F13A1: variants seen among roughly 807,000 people sequenced by gnomAD.
F13A1 encodes FSF, A subunit.
Under a neutral mutation model 80.1 loss-of-function variants are expected in F13A1, and 47 were observed. The observed-to-expected ratio is 0.59, with a 90% CI of 0.46 to 0.75. The LOEUF is 0.75. Among genes scored for constraint, F13A1 ranks in the 30% least tolerant of loss-of-function variants. The probability of loss-of-function intolerance (pLI) is 0.00; values close to 1 mark genes in which losing one functional copy is unlikely to be tolerated. For synonymous variants in F13A1, 349 were observed against 344.9 expected, an observed-to-expected ratio of 1.01 and a Z score of -0.13; for missense variants, 817 against 930.4, an observed-to-expected ratio of 0.88 and a Z score of 1.59.
intron 3 of F13A1, among the ~76,000 whole-genome samples, chr6:6,271,772 A>G (rs1757924821): frequency 6.6e-6 from 1 of 152,202 alleles, no homozygotes; most frequent in African/African-American, 2.4e-5. Flanking sequence ...CCATTTGTGA[A>G]TTATTATTGA....
intron 6 of F13A1, among the ~76,000 whole-genome samples, chr6:6,245,873 G>A (rs1033326251): frequency 3.3e-5 from 5 of 152,122 alleles, no homozygotes; most frequent in East Asian, 1.9e-4. Context: ...CACCTATACC[G>A]CTGCTCTGGC....
In F13A1 at chr6:6,162,493, G is replaced by A. The variant is rs569982181; in HGVS notation, c.1908+4965C>T. ...TCCTCCCTTGAATACAAAACTCTCT[G>A]CAAAGTCAATGACCACCTCTGCTTT... is the stretch of plus-strand genomic sequence containing the variant. On this transcript the variant is annotated intron_variant, in intron 13 of 14. Transcript: ENST00000264870. The surrounding 1 kb of genome is among the most constrained non-coding windows in gnomAD (Gnocchi z 4.2). 2.0e-5 allele frequency among the ~76,000 whole-genome samples: 3 copies of A among 152,138 alleles called. No homozygotes were observed. In the East Asian group the frequency reaches 5.8e-4, roughly 29 times the overall value.
chr6:6,180,322 G>A (rs1048561992), intron 11 of F13A1, among the ~76,000 whole-genome samples: 17 of 152,148 alleles, frequency 1.1e-4, no homozygotes, highest in African/African-American at 1.9e-4. Context: ...GGCAGCACCC[G>A]TCCACCCTGT....
chr6:6,181,510 T>A (rs1178506196), intron 11 of F13A1, among the ~76,000 whole-genome samples: 1 of 152,232 alleles, frequency 6.6e-6, no homozygotes, highest in African/African-American at 2.4e-5. Flanking sequence ...TTAGAGAGAT[T>A]GCATTGTCCT....
intron 8 of F13A1, among the ~76,000 whole-genome samples, chr6:6,219,292 A>AC (rs1757153937): frequency 7.4e-6 from 1 of 134,530 alleles, no homozygotes; most frequent in South Asian, 2.4e-4. Flanking sequence ...AATCATTCCC[A>AC]CCCCCACCTC....
intron 2 of F13A1, among the ~76,000 whole-genome samples, chr6:6,305,928 A>G (rs1181817751): frequency 2.0e-5 from 3 of 152,228 alleles, no homozygotes; most frequent in African/African-American, 7.2e-5. Flanking sequence ...CTCTGTGACT[A>G]ACCAGGCAGA....
At chr6:6,296,705 G>T (rs1042320697) in intron 3 of F13A1, among the ~76,000 whole-genome samples, 1,868 of 146,706 alleles carry the variant, frequency 0.013, 177 homozygotes, top group African/African-American at 0.046. Context: ...GGGACAATTT[G>T]ACTTCCTCTT....
At chr6:6,159,664 G>A (rs749200897) in intron 13 of F13A1, among the ~76,000 whole-genome samples, 1 of 152,138 alleles carries the variant, frequency 6.6e-6, no homozygotes, top group African/African-American at 2.4e-5. Flanking sequence ...GAGGGAAGCC[G>A]CCCAGAGGAA....
rs183055446 is a variant in F13A1 at position 6,207,125 on chromosome 6, G to C, written c.1113-9799C>G. ...ACAAACATAAATCTCAGTAAGAAGA[G>C]TGACTTTGTGGAGTTTTAATTTGCC... On this transcript the variant is annotated intron_variant, in intron 8 of 14. Transcript: ENST00000264870. Among the ~76,000 whole-genome samples the C allele has an allele frequency of 5.9e-5, 9 of 152,256 alleles. No individual in the cohort carries two copies. The East Asian group carries it at 1.4e-3, about 23-fold the overall frequency.
chr6:6,259,151 T>A (rs1225978509), intron 4 of F13A1, among the ~76,000 whole-genome samples: 1 of 152,198 alleles, frequency 6.6e-6, no homozygotes, highest in Non-Finnish European at 1.5e-5. Context: ...GTCATGGGCA[T>A]GGGATGCGAC....
At chr6:6,308,356 C>T (rs1758542131) in intron 2 of F13A1, among the ~76,000 whole-genome samples, 1 of 151,638 alleles carries the variant, frequency 6.6e-6, no homozygotes, top group Non-Finnish European at 1.5e-5. Flanking sequence ...ATTTCTAGAA[C>T]TTTTATCCAA....
intron 8 of F13A1, among the ~76,000 whole-genome samples, chr6:6,210,324 G>GAGATATATATATATATATAT (rs1761580677): frequency 1.2e-5 from 1 of 82,904 alleles, no homozygotes; most frequent in African/African-American, 5.0e-5. Context: ...TGTAGCATGT[G>GAGATATATATATATATATAT]ATATATATAT....
intron 8 of F13A1, among the ~76,000 whole-genome samples, chr6:6,218,470 G>A (rs3799552): frequency 0.16 from 24,062 of 152,132 alleles, 2,073 homozygotes; most frequent in South Asian, 0.29. Context: ...TCATCAGCAC[G>A]CTGGGGACAG....
chr6:6,151,898 T>A lies in F13A1; in HGVS notation c.1960A>T (p.Thr654Ser). ...CGCAGGGTTTCTTTTAAAGGATTGG[T>A]AAACTCAACTGTCACAGTCATGTCA... ...GSDMTVTVEF[T>S]NPLKETLRNV... The change falls in exon 14 of 15, where the codon ACC becomes TCC. Residue 654 changes from threonine (T) to serine (S), a missense_variant. By Grantham distance (58) the Thr-to-Ser change is moderately conservative. Transcript: ENST00000264870. 1.2e-6 allele frequency: 2 copies of A among 1,614,052 alleles called. No homozygotes were observed. The highest frequency in any genetic ancestry group is 1.7e-6 in the Non-Finnish European group (2 of 1,179,978).
At chr6:6,270,170 CA>C (rs1757902764) in intron 3 of F13A1, among the ~76,000 whole-genome samples, 1 of 152,198 alleles carries the variant, frequency 6.6e-6, no homozygotes, top group South Asian at 2.1e-4. Context: ...CTGGCCCTTA[CA>C]GTAAACAATT....
intron 4 of F13A1, among the ~76,000 whole-genome samples, chr6:6,254,684 T>C (rs1276718754): frequency 6.6e-6 from 1 of 152,140 alleles, no homozygotes; most frequent in African/African-American, 2.4e-5. Flanking sequence ...AAAAGGAAAG[T>C]TTTCTTTTAG....
At chr6:6,282,530 T>C (rs1284166906) in intron 3 of F13A1, among the ~76,000 whole-genome samples, 2 of 152,196 alleles carry the variant, frequency 1.3e-5, no homozygotes, top group Non-Finnish European at 2.9e-5. Context: ...TTATTAACTA[T>C]AAAAGGAACA....
intron 2 of F13A1, among the ~76,000 whole-genome samples, chr6:6,313,280 C>CTTTTTTTTTTTTTTTTTTTTT (rs5874027): frequency 1.6e-5 from 2 of 126,748 alleles, no homozygotes; most frequent in African/African-American, 6.1e-5. Context: ...GCTAAGCCGC[C>CTTTTTTTTTTTTTTTTTTTTT]TTTTTTTTTT....
At chr6:6,220,563 CTG>C (rs1264558992) in intron 8 of F13A1, among the ~76,000 whole-genome samples, 1 of 145,900 alleles carries the variant, frequency 6.9e-6, no homozygotes, top group African/African-American at 2.5e-5. Flanking sequence ...GTCTGTGTGT[CTG>C]TCTGTGTGTG....
Sources: gnomAD v4.1 joint callset for allele counts (sites outside exome capture counted in the v4.1 genomes callset) on GRCh38, gnomAD v4.1.1 for gene constraint, Gnocchi (gnomAD v3.1) non-coding constraint, MANE v1.5 for transcripts, NCBI Gene and HGNC (gene_info 2026-07-23, HGNC 2026-07-21) for gene names.